NAA16: variants seen among roughly 807,000 people sequenced by gnomAD.
NAA16 encodes the protein NARG1-like protein.
In NAA16, 97 loss-of-function variants were observed where a neutral mutation model predicts 110.3. The ratio of observed to expected loss-of-function variants is 0.88; its 90% CI spans 0.75 to 1.04. The LOEUF (loss-of-function observed/expected upper bound fraction) is 1.04. NAA16 is among the 50% of genes least tolerant of loss of function. The pLI is 0.00. For missense variants in NAA16, 1,017 were observed against 1,005.1 expected (o/e 1.01, Z -0.16); for synonymous variants, 372 against 330.6 (o/e 1.13, Z -1.36).
chr13:41,338,600 A>G (rs909342590), intron 9 of NAA16, among the ~76,000 whole-genome samples: 3 of 152,212 alleles, frequency 2.0e-5, no homozygotes, highest in African/African-American at 7.2e-5. Flanking sequence ...ATCTGAATTT[A>G]GTATAGTGAG....
At chr13:41,349,355 T>G (rs928108778) in intron 9 of NAA16, among the ~76,000 whole-genome samples, 4 of 151,804 alleles carry the variant, frequency 2.6e-5, no homozygotes, top group African/African-American at 9.7e-5. Flanking sequence ...CTGGCTAAGT[T>G]GTTTATTTTG....
Position 41,311,350 on chromosome 13 carries a change from C to G in NAA16, c.-179C>G, listed in dbSNP as rs2041547929. 3 of 611,956 alleles carry G rather than the reference C, an allele frequency of 4.9e-6. No individual in the cohort carries two copies. In the East Asian group the frequency reaches 8.9e-5, roughly 18 times the overall value. The allele number at this position is 611,956 out of a possible 1,614,324, so 37.9% of individuals were successfully genotyped here. ...GTGTCCTGCTCAGACCGCCTTCCTTCTCCATTGCCACCCGTGCCGAACAGC... is the reference window on the plus strand; with the variant it reads ...GTGTCCTGCTCAGACCGCCTTCCTTGTCCATTGCCACCCGTGCCGAACAGC... On this transcript the variant is annotated 5_prime_UTR_variant, in exon 1 of 20. Coordinates refer to ENST00000379406, the MANE Select transcript of NAA16 (RefSeq NM_024561.5).
chr13:41,339,171 G>A (rs745311606), intron 9 of NAA16, among the ~76,000 whole-genome samples: 22 of 151,984 alleles, frequency 1.4e-4, no homozygotes, highest in Non-Finnish European at 2.1e-4. Context: ...TCAGAGTTTC[G>A]CTCTTGTTGC....
At chr13:41,366,821 TG>T (rs1443596399) in intron 13 of NAA16, among the ~76,000 whole-genome samples, 1 of 152,210 alleles carries the variant, frequency 6.6e-6, no homozygotes, top group Non-Finnish European at 1.5e-5. Flanking sequence ...ATTGGCTGTA[TG>T]GATTTCTTTA....
At chr13:41,367,866 G>C (rs1203321153) in intron 14 of NAA16, among the ~76,000 whole-genome samples, 4 of 152,084 alleles carry the variant, frequency 2.6e-5, no homozygotes, top group African/African-American at 9.7e-5. Flanking sequence ...TACTTTAATG[G>C]AACAACTTAG....
rs547744313 is a variant in NAA16, at chr13:41,311,365, T to C, written c.-164T>C. The C allele has an allele frequency of 2.2e-3, 1,432 of 642,222 alleles. 20 individuals are homozygous for C. The African/African-American group carries it at 0.024, about 11-fold the overall frequency. 39.8% of individuals were successfully genotyped at this position (642,222 alleles called of 1,614,324 possible). A position where few individuals can be genotyped will look rare whatever the true frequency, so the allele number is the denominator to read the frequency against. On this transcript the variant is annotated 5_prime_UTR_variant, in exon 1 of 20. Coordinates refer to ENST00000379406, the MANE Select transcript of NAA16 (RefSeq NM_024561.5). ...CGCCTTCCTTCTCCATTGCCACCCGTGCCGAACAGCCAGGCTGCCCAATTG... is the reference window on the plus strand; with the variant it reads ...CGCCTTCCTTCTCCATTGCCACCCGCGCCGAACAGCCAGGCTGCCCAATTG...
Position 41,358,849 on chromosome 13 carries a change from G to A in NAA16, c.1297G>A (p.Glu433Lys). The change falls in exon 12 of 20, where the codon GAA becomes AAA. Residue 433 changes from glutamate to lysine, a missense_variant. Transcript: ENST00000379406. ...NLKEAAKWMDEAQSLDTADRF... is the reference protein window; with the variant it reads ...NLKEAAKWMDKAQSLDTADRF... ...CAAAGAAGCTGCAAAGTGGATGGAT[G>A]AAGCACAGTCTTTGGACACAGCTGA... The A allele has an allele frequency of 6.2e-6, 10 of 1,609,876 alleles. No homozygotes were observed. The highest frequency in any genetic ancestry group is 8.5e-6 in the Non-Finnish European group (10 of 1,177,200).
In NAA16 at chr13:41,346,538, A is replaced by G. The variant is rs141852881; in HGVS notation, c.1015-8606A>G. Among the ~76,000 whole-genome samples the G allele has an allele frequency of 1.5e-3, 236 of 152,262 alleles. 1 individual carries two copies. Among genetic ancestry groups the G allele is most frequent in the African/African-American group, 5.4e-3 (226 of 41,542 alleles). On this transcript the variant is annotated intron_variant, in intron 9 of 19. Coordinates refer to ENST00000379406, the MANE Select transcript of NAA16 (RefSeq NM_024561.5). ...TAGGAGGGAGGGGAAGGATTAGGCT[A>G]CTGCCTTCATCGAGGTTTCCTTAGG...
intron 9 of NAA16, among the ~76,000 whole-genome samples, chr13:41,350,255 CCT>C (rs2042793057): frequency 6.6e-6 from 1 of 151,062 alleles, no homozygotes; most frequent in Non-Finnish European, 1.5e-5. Context: ...ACAGCGAGAC[CCT>C]GTCTCCCCAC....
At chr13:41,323,416 T>A (rs1469568896) in intron 5 of NAA16, among the ~76,000 whole-genome samples, 1 of 151,146 alleles carries the variant, frequency 6.6e-6, no homozygotes, top group Non-Finnish European at 1.5e-5. Context: ...AGTGGCACGA[T>A]CTCGGCTTGC....
intron 9 of NAA16, among the ~76,000 whole-genome samples, chr13:41,345,962 C>T (rs2042671043): frequency 6.6e-6 from 1 of 152,166 alleles, no homozygotes; most frequent in African/African-American, 2.4e-5. Context: ...GTTGTCTTTT[C>T]ATTTTCTTAA....
chr13:41,375,667 G>T lies in NAA16; in HGVS notation c.*65G>T. The T allele has an allele frequency of 7.7e-7, 1 of 1,291,872 alleles. No homozygotes were observed. Among genetic ancestry groups the T allele is most frequent in the Non-Finnish European group, 1.1e-6 (1 of 938,340 alleles). 80.0% of individuals were successfully genotyped at this position (1,291,872 alleles called of 1,614,324 possible). ...ATTGAGATCAGGGTTTCTTTTCCAGGGTGCATTTTAATATACGTATGAAAT... is the reference window on the plus strand; with the variant it reads ...ATTGAGATCAGGGTTTCTTTTCCAGTGTGCATTTTAATATACGTATGAAAT... On this transcript the variant is annotated 3_prime_UTR_variant, in exon 20 of 20. Transcript: ENST00000379406.
chr13:41,320,889 C>G (rs2139379245), intron 4 of NAA16, 65 bp downstream of exon 4: 1 of 1,437,412 alleles, frequency 7.0e-7, no homozygotes, highest in East Asian at 2.4e-5. Context: ...CGTGTCATTT[C>G]AGAATGAGGT....
intron 8 of NAA16, among the ~76,000 whole-genome samples, chr13:41,332,148 C>T (rs2042256066): frequency 6.6e-6 from 1 of 151,458 alleles, no homozygotes; most frequent in Non-Finnish European, 1.5e-5. Flanking sequence ...GCCTCAAACC[C>T]CTGGGCTCAA....
intron 1 of NAA16, among the ~76,000 whole-genome samples, chr13:41,314,720 G>A (rs879898791): frequency 3.9e-5 from 6 of 152,182 alleles, no homozygotes; most frequent in Non-Finnish European, 8.8e-5. Flanking sequence ...GGCCGGCGCA[G>A]TGGCTCATGC....
chr13:41,336,805 T>G (rs2042393772), intron 9 of NAA16, 49 bp downstream of exon 9: 3 of 1,009,960 alleles, frequency 3.0e-6, no homozygotes, highest in Middle Eastern at 2.4e-4. Flanking sequence ...TTTACTAAAC[T>G]GTAGAAAGAT....
chr13:41,347,715 C>T (rs550496315), intron 9 of NAA16, among the ~76,000 whole-genome samples: 8 of 152,244 alleles, frequency 5.3e-5, no homozygotes, highest in African/African-American at 1.9e-4. Flanking sequence ...CCTTGCTGAA[C>T]TTGTTTATTC....
At chr13:41,328,661 A>C (rs2042155318) in intron 6 of NAA16, 63 bp from the exon 7 acceptor site, 5 of 1,360,382 alleles carry the variant, frequency 3.7e-6, no homozygotes, top group Non-Finnish European at 3.1e-6. Flanking sequence ...TGTTTAGTGA[A>C]GTCCCTGGGG....
At chr13:41,316,199 G>A (rs779999318) in intron 1 of NAA16, among the ~76,000 whole-genome samples, 1 of 151,154 alleles carries the variant, frequency 6.6e-6, no homozygotes. Flanking sequence ...GCATGATCTC[G>A]GCTCACTGCA....
Sources: allele counts gnomAD v4.1 joint callset (sites outside exome capture counted in the v4.1 genomes callset), GRCh38; gene constraint gnomAD v4.1.1; transcripts MANE v1.5; gene names NCBI Gene and HGNC (gene_info 2026-07-23, HGNC 2026-07-21).